KIAA1217: variants seen among roughly 807,000 people sequenced by gnomAD.
The protein encoded by KIAA1217 is KIAA1217, also known as sickle tail protein homolog.
In KIAA1217, 88 loss-of-function variants were observed where a neutral mutation model predicts 163.9. That is an observed-to-expected ratio of 0.54 (90% CI 0.45 to 0.64). KIAA1217 has a LOEUF of 0.64. KIAA1217 is among the 30% of genes least tolerant of loss of function. The pLI is 0.00. For synonymous variants in KIAA1217, 903 were observed against 923.1 expected (o/e 0.98, Z 0.39); for missense variants, 2,372 against 2,475.0 (o/e 0.96, Z 0.88).
chr10:24,331,985 G>A (rs2133572480), intron 2 of KIAA1217, among the ~76,000 whole-genome samples: 2 of 152,290 alleles, frequency 1.3e-5, no homozygotes, highest in South Asian at 4.1e-4. Context: ...ATTTTTAGTA[G>A]AGACGGGGTT....
intron 2 of KIAA1217, among the ~76,000 whole-genome samples, chr10:24,307,218 T>G (rs2042100461): frequency 6.6e-6 from 1 of 152,248 alleles, no homozygotes; most frequent in Non-Finnish European, 1.5e-5. Flanking sequence ...CTTGACTGAC[T>G]TGCGAATATG....
intron 1 of KIAA1217, among the ~76,000 whole-genome samples, chr10:23,877,125 G>A (rs765447421): frequency 7.9e-5 from 12 of 151,926 alleles, no homozygotes; most frequent in South Asian, 2.1e-4. Flanking sequence ...CACTAGATGC[G>A]TTTTCTTTGG....
intron 2 of KIAA1217, among the ~76,000 whole-genome samples, chr10:24,093,435 G>A (rs941461316): frequency 6.6e-6 from 1 of 151,536 alleles, no homozygotes; most frequent in Non-Finnish European, 1.5e-5. Context: ...GCCTCTCAAA[G>A]TGCTGGGATT....
At chr10:24,332,143 ACTT>A (rs1447122336) in intron 2 of KIAA1217, among the ~76,000 whole-genome samples, 1 of 152,164 alleles carries the variant, frequency 6.6e-6, no homozygotes, top group Non-Finnish European at 1.5e-5. Flanking sequence ...GCAAAGCAAA[ACTT>A]CTTTGTTTCA....
At chr10:24,069,792 T>G (rs2061112638) in intron 2 of KIAA1217, among the ~76,000 whole-genome samples, 1 of 152,216 alleles carries the variant, frequency 6.6e-6, no homozygotes, top group South Asian at 2.1e-4. Context: ...GTCATCTTAC[T>G]GATATTACTC....
chr10:23,934,569 ATAT>A (rs1843404800), intron 1 of KIAA1217, among the ~76,000 whole-genome samples: 1 of 77,192 alleles, frequency 1.3e-5, no homozygotes, highest in Non-Finnish European at 2.1e-5. Flanking sequence ...ATATATATAT[ATAT>A]ATATATATAT....
chr10:24,352,297 A>G (rs2048546383), intron 2 of KIAA1217, among the ~76,000 whole-genome samples: 1 of 152,244 alleles, frequency 6.6e-6, no homozygotes, highest in African/African-American at 2.4e-5. Flanking sequence ...TAAAGAGTCC[A>G]TTGGAAGCCA....
At chr10:24,449,790 A>T in intron 5 of KIAA1217, 1 of 959,624 alleles carries the variant, frequency 1.0e-6, no homozygotes, top group Non-Finnish European at 1.2e-6. Context: ...TTATGATAGG[A>T]TATTATCTTT....
intron 1 of KIAA1217, among the ~76,000 whole-genome samples, chr10:23,814,591 G>A (rs1178735712): frequency 2.6e-5 from 4 of 152,120 alleles, no homozygotes; most frequent in Admixed American, 2.6e-4. Flanking sequence ...TTAAAAATTT[G>A]CTTGGAAGAA....
At chr10:24,029,496 A>T (rs1848104656) in intron 2 of KIAA1217, among the ~76,000 whole-genome samples, 1 of 152,134 alleles carries the variant, frequency 6.6e-6, no homozygotes, top group Admixed American at 6.6e-5. Context: ...TTACTCATTT[A>T]AAAAATATGG....
At chr10:24,005,923 C>T (rs929255543) in intron 1 of KIAA1217, among the ~76,000 whole-genome samples, 1 of 152,124 alleles carries the variant, frequency 6.6e-6, no homozygotes, top group Non-Finnish European at 1.5e-5. Context: ...GGGACCCTAT[C>T]CTCTACTCAT....
intron 2 of KIAA1217, among the ~76,000 whole-genome samples, chr10:24,315,479 G>A (rs1161248820): frequency 6.6e-6 from 1 of 152,186 alleles, no homozygotes; most frequent in Non-Finnish European, 1.5e-5. Context: ...TTTGAAGTGC[G>A]AGGACTCAGT....
intron 1 of KIAA1217, among the ~76,000 whole-genome samples, chr10:23,899,993 T>C (rs1841887278): frequency 1.3e-5 from 2 of 151,192 alleles, no homozygotes; most frequent in Admixed American, 1.3e-4. Flanking sequence ...TCTCCCTCCT[T>C]CCCTTTCTTT....
chr10:24,001,489 A>G (rs1846742203), intron 1 of KIAA1217, among the ~76,000 whole-genome samples: 1 of 152,260 alleles, frequency 6.6e-6, no homozygotes, highest in Admixed American at 6.5e-5. Context: ...AAATATTCTT[A>G]GCATTTATTG....
At chr10:24,304,349 A>C (rs1017402728) in intron 2 of KIAA1217, among the ~76,000 whole-genome samples, 1 of 151,654 alleles carries the variant, frequency 6.6e-6, no homozygotes, top group South Asian at 2.1e-4. Flanking sequence ...TTTTTTTAAC[A>C]TTTAAAAAAA....
Position 24,449,574 on chromosome 10 carries a change from A to T in KIAA1217, c.846+11095A>T, listed in dbSNP as rs139104421. ...TCTGAATGTCCGTGAAATAGTTTTA[A>T]CAAGAGTGGATACTGCTCCTTTAAA... is the stretch of plus-strand genomic sequence containing the variant. On this transcript the variant is annotated intron_variant, in intron 5 of 20. Transcript: ENST00000376454. 8.1e-6 allele frequency: 8 copies of T among 985,456 alleles called. No homozygotes were observed. The East Asian group carries it at 9.1e-4, about 112-fold the overall frequency. 61.0% of individuals were successfully genotyped at this position (985,456 alleles called of 1,614,324 possible).
chr10:24,006,139 A>G (rs1846986605), intron 1 of KIAA1217, among the ~76,000 whole-genome samples: 1 of 152,228 alleles, frequency 6.6e-6, no homozygotes. Flanking sequence ...AGCACAAGAA[A>G]TAATTTAAAT....
intron 1 of KIAA1217, among the ~76,000 whole-genome samples, chr10:23,846,617 G>A (rs1214675732): frequency 6.6e-6 from 1 of 152,160 alleles, no homozygotes; most frequent in Non-Finnish European, 1.5e-5. Flanking sequence ...TTGCTTATCA[G>A]TTTAAGGAGA....
chr10:24,049,485 G>T (rs1176450123), intron 2 of KIAA1217, among the ~76,000 whole-genome samples: 3 of 152,082 alleles, frequency 2.0e-5, no homozygotes, highest in African/African-American at 7.2e-5. Context: ...GTATAGACAT[G>T]CCATGGTGAT....
Sources: gnomAD v4.1 joint callset for allele counts (sites outside exome capture counted in the v4.1 genomes callset) on GRCh38, gnomAD v4.1.1 for gene constraint, MANE v1.5 for transcripts, NCBI Gene and HGNC (gene_info 2026-07-23, HGNC 2026-07-21) for gene names.